RGS7: variants seen among roughly 807,000 people sequenced by gnomAD.
RGS7 encodes the protein regulator of G protein signaling 7, also known as regulator of G-protein signaling 7.
Under a neutral mutation model 81.1 loss-of-function variants are expected in RGS7, and 27 were observed. That is an observed-to-expected ratio of 0.33 (90% confidence interval 0.25 to 0.46). RGS7 has a LOEUF of 0.46. Ranked by LOEUF, RGS7 falls within the 20% of genes least tolerant of loss-of-function variation. The pLI is 1.00. For synonymous variants in RGS7, 208 were observed against 207.7 expected (o/e 1.00, Z -0.01); for missense variants, 396 against 607.4 (o/e 0.65, Z 3.66).
At chr1:240,966,531 C>A (rs1329239724) in intron 4 of RGS7, among the ~76,000 whole-genome samples, 3 of 152,060 alleles carry the variant, frequency 2.0e-5, no homozygotes, top group African/African-American at 7.2e-5. Context: ...CCATTTCAGT[C>A]CACAAATAAT....
At chr1:240,826,709 G>A (rs1304714259) in intron 10 of RGS7, among the ~76,000 whole-genome samples, 1 of 152,062 alleles carries the variant, frequency 6.6e-6, no homozygotes, top group Non-Finnish European at 1.5e-5. Context: ...AACAAACACT[G>A]AAATACAACC....
At chr1:241,265,926 C>T (rs2077569964) in intron 2 of RGS7, among the ~76,000 whole-genome samples, 1 of 151,742 alleles carries the variant, frequency 6.6e-6, no homozygotes, top group Admixed American at 6.6e-5. Context: ...TCCCGAGTAG[C>T]TGGGATTACA....
intron 2 of RGS7, among the ~76,000 whole-genome samples, chr1:241,130,927 CAAAA>C (rs11365447): frequency 1.1e-5 from 1 of 90,176 alleles, no homozygotes. Flanking sequence ...GGCTTAATTA[CAAAA>C]AAAAAAAAAA....
intron 6 of RGS7, among the ~76,000 whole-genome samples, chr1:240,880,604 C>G (rs1262786818): frequency 6.6e-6 from 1 of 152,162 alleles, no homozygotes; most frequent in Non-Finnish European, 1.5e-5. Flanking sequence ...ACAAAGCTTT[C>G]TCCTCTGGTG....
chr1:241,248,151 C>A (rs1030041879), intron 2 of RGS7, among the ~76,000 whole-genome samples: 1 of 151,758 alleles, frequency 6.6e-6, no homozygotes, highest in Non-Finnish European at 1.5e-5. Flanking sequence ...ATGATTTTAC[C>A]CTTTTTATGT....
chr1:241,013,443 T>A (rs2059072957), intron 3 of RGS7, among the ~76,000 whole-genome samples: 1 of 152,216 alleles, frequency 6.6e-6, no homozygotes, highest in African/African-American at 2.4e-5. Context: ...TACCTTTTTC[T>A]TCCTGTGACT....
intron 2 of RGS7, among the ~76,000 whole-genome samples, chr1:241,103,544 C>A (rs1007612320): frequency 6.6e-6 from 1 of 152,120 alleles, no homozygotes; most frequent in African/African-American, 2.4e-5. Context: ...AGAGCCAATT[C>A]CCTGTTACAG....
intron 9 of RGS7, among the ~76,000 whole-genome samples, chr1:240,846,833 T>C (rs1659175647): frequency 6.6e-6 from 1 of 152,152 alleles, no homozygotes; most frequent in African/African-American, 2.4e-5. Context: ...GACATCCTTA[T>C]GGAGAGGTGC....
chr1:241,085,326 G>C (rs1480523954), intron 3 of RGS7, among the ~76,000 whole-genome samples: 1 of 152,214 alleles, frequency 6.6e-6, no homozygotes, highest in African/African-American at 2.4e-5. Flanking sequence ...GCTGGGGGCA[G>C]TGGTGGTGGA....
At chr1:240,788,637 C>T (rs189266518) in intron 18 of RGS7, among the ~76,000 whole-genome samples, 53 of 152,250 alleles carry the variant, frequency 3.5e-4, no homozygotes, top group African/African-American at 1.0e-3. Flanking sequence ...GTGAGAACTG[C>T]GGATGTTTAG....
chr1:241,002,228 C>T (rs1373929098), intron 3 of RGS7, among the ~76,000 whole-genome samples: 2 of 151,910 alleles, frequency 1.3e-5, no homozygotes, highest in Non-Finnish European at 2.9e-5. Flanking sequence ...GGGTGGATCA[C>T]CTGAGGTCAG....
In RGS7 at chr1:241,115,778, T is replaced by TAAGTAG. The variant is rs1190353992; in HGVS notation, c.79-17017_79-17016insCTACTT. ...GACTATGACCTATGTAGGAAATCTGTGAACTGAGTAAGTAGTCATATGAAA... is the reference window on the plus strand; with the variant it reads ...GACTATGACCTATGTAGGAAATCTGTAAGTAGGAACTGAGTAAGTAGTCATATGAAA... On this transcript the variant is annotated intron_variant, in intron 2 of 18. Coordinates refer to ENST00000440928, the MANE Select transcript of RGS7 (RefSeq NM_001364886.1). Among the ~76,000 whole-genome samples the TAAGTAG allele has an allele frequency of 5.9e-5, 9 of 152,306 alleles. No homozygotes were observed. In the East Asian group the frequency reaches 1.7e-3, roughly 29 times the overall value.
intron 2 of RGS7, among the ~76,000 whole-genome samples, chr1:241,259,282 G>C (rs941237597): frequency 1.3e-5 from 2 of 151,988 alleles, no homozygotes; most frequent in African/African-American, 4.8e-5. Context: ...CTAGTTAATG[G>C]ACCTTTGGGT....
chr1:241,174,895 G>GTTTTTTTTTTTTTTTTTTTTTTTTTTTTT (rs551122102), intron 2 of RGS7, among the ~76,000 whole-genome samples: 1 of 69,230 alleles, frequency 1.4e-5, no homozygotes, highest in African/African-American at 6.0e-5. Context: ...ACAGAATTTT[G>GTTTTTTTTTTTTTTTTTTTTTTTTTTTTT]TTTTTTTTTT....
chr1:241,089,063 C>CTATATATATATATATATATATA (rs1161090389), intron 3 of RGS7, among the ~76,000 whole-genome samples: 4 of 23,684 alleles, frequency 1.7e-4, no homozygotes, highest in African/African-American at 4.6e-4. Flanking sequence ...CTCTCTCTCT[C>CTATATATATATATATATATATA]TATATATATA....
At chr1:241,192,660 T>C (rs2072773978) in intron 2 of RGS7, among the ~76,000 whole-genome samples, 1 of 152,148 alleles carries the variant, frequency 6.6e-6, no homozygotes, top group Non-Finnish European at 1.5e-5. Flanking sequence ...CATTTTTCCT[T>C]GGTGGGCCAA....
At chr1:241,275,362 C>G (rs2078140162) in intron 2 of RGS7, among the ~76,000 whole-genome samples, 1 of 152,186 alleles carries the variant, frequency 6.6e-6, no homozygotes, top group Admixed American at 6.5e-5. Context: ...TTAGTAGGAA[C>G]AGTTTGTGCA....
chr1:241,302,505 C>T lies in RGS7; in HGVS notation c.78+53194G>A, dbSNP rs576932176. On this transcript the variant is annotated intron_variant, in intron 2 of 18. Coordinates refer to ENST00000440928, the MANE Select transcript of RGS7 (RefSeq NM_001364886.1). ...CGGAGCTTGCAGTGAGCCAAGATCA[C>T]GCCACTGCACTCCAGCCTGGGCAAC... Among the ~76,000 whole-genome samples the T allele has an allele frequency of 6.0e-4, 92 of 152,208 alleles. 1 individual carries two copies. The highest frequency in any genetic ancestry group is 2.1e-3 in the African/African-American group (89 of 41,536).
intron 3 of RGS7, among the ~76,000 whole-genome samples, chr1:241,052,310 G>A (rs2061292983): frequency 6.6e-6 from 1 of 152,154 alleles, no homozygotes; most frequent in African/African-American, 2.4e-5. Context: ...GGTTGTTAAG[G>A]AGAAAAGAAA....
Sources: allele counts gnomAD v4.1 joint callset (sites outside exome capture counted in the v4.1 genomes callset), GRCh38; gene constraint gnomAD v4.1.1; transcripts MANE v1.5; gene names NCBI Gene and HGNC (gene_info 2026-07-23, HGNC 2026-07-21).